The following XK variants were observed in gnomAD, a reference collection of about 807,000 sequenced individuals.
XK encodes endoplasmic reticulum membrane adapter protein XK.
Under a neutral mutation model 14.0 loss-of-function variants are expected in XK, and 2 were observed. The ratio of observed to expected loss-of-function variants is 0.14; its 90% CI spans 0.06 to 0.45. XK has a LOEUF of 0.45. Among genes scored for constraint, XK ranks in the 20% least tolerant of loss-of-function variants. XK has a pLI of 0.98. For missense variants in XK, 235 were observed against 341.5 expected (o/e 0.69, Z 2.46); for synonymous variants, 149 against 147.5 (o/e 1.01, Z -0.08).
At chrX:37,715,131 C>T (rs1212216637) in intron 2 of XK, among the ~76,000 whole-genome samples, 2 of 108,001 alleles carry the variant, frequency 1.9e-5, no homozygotes, top group Non-Finnish European at 3.8e-5. Context: ...CAAATATATA[C>T]AAATATGTGT....
At chrX:37,699,933 G>T (rs1221957893) in intron 2 of XK, among the ~76,000 whole-genome samples, 1 of 111,174 alleles carries the variant, frequency 9.0e-6, no homozygotes, top group African/African-American at 3.3e-5. Context: ...GCTCAGGCTA[G>T]TGGGAAAATC....
Position 37,725,087 on chromosome X carries a change from C to A in XK, c.509-2549C>A, listed in dbSNP as rs782301566. Among the ~76,000 whole-genome samples, 21 of 111,518 alleles carry A rather than the reference C, an allele frequency of 1.9e-4. No individual in the cohort carries two copies. The South Asian group carries it at 3.3e-3, about 18-fold the overall frequency. On this transcript the variant is annotated intron_variant, in intron 2 of 2. Coordinates refer to ENST00000378616, the MANE Select transcript of XK (RefSeq NM_021083.4). Reference sequence around the variant, plus strand: ...TAAGCTAGACACAGAAAGAAATATACTGCATGATCTCATTTATATGTGTAA... The same window carrying A: ...TAAGCTAGACACAGAAAGAAATATAATGCATGATCTCATTTATATGTGTAA...
chrX:37,701,027 T>C (rs1183370414), intron 2 of XK, among the ~76,000 whole-genome samples: 1 of 112,292 alleles, frequency 8.9e-6, no homozygotes, highest in Non-Finnish European at 1.9e-5. Context: ...ACTGGTACTA[T>C]GACACATTGT....
intron 2 of XK, among the ~76,000 whole-genome samples, chrX:37,725,802 T>C (rs1369914385): frequency 1.8e-5 from 2 of 111,838 alleles, no homozygotes; most frequent in Non-Finnish European, 3.8e-5. Context: ...TGAGGAGATA[T>C]GGTGAAGAAA....
At chrX:37,709,978 G>T (rs1556446339) in intron 2 of XK, among the ~76,000 whole-genome samples, 1 of 111,802 alleles carries the variant, frequency 8.9e-6, no homozygotes, top group Non-Finnish European at 1.9e-5. Context: ...GATTTTAATA[G>T]CTCTTTTCCT....
chrX:37,710,374 C>T (rs1280596822), intron 2 of XK, among the ~76,000 whole-genome samples: 1 of 112,569 alleles, frequency 8.9e-6, no homozygotes, highest in Non-Finnish European at 1.9e-5. Context: ...GTTTACCTGA[C>T]TCTTACAGGT....
rs144092697 is a variant in XK at position 37,690,415 on chromosome X, A to G, written c.246-3871A>G. ...AGTATTTCTTTGGAAAAAGTATTTTAATTAGGGTCTCTGGTACCACAGATT... is the reference window on the plus strand; with the variant it reads ...AGTATTTCTTTGGAAAAAGTATTTTGATTAGGGTCTCTGGTACCACAGATT... On this transcript the variant is annotated intron_variant, in intron 1 of 2. Transcript: ENST00000378616. Among the ~76,000 whole-genome samples, 372 of 112,354 alleles carry G rather than the reference A, an allele frequency of 3.3e-3. 2 individuals carry two copies. The highest frequency in any genetic ancestry group is 0.027 in the East Asian group (96 of 3,608).
chrX:37,718,629 A>G (rs781888524), intron 2 of XK, among the ~76,000 whole-genome samples: 2 of 111,713 alleles, frequency 1.8e-5, no homozygotes, highest in Non-Finnish European at 3.8e-5. Context: ...AAGCAATGTC[A>G]ATGTTTAGCT....
rs1848384538 is a variant in XK at position 37,728,603 on chromosome X, T to A, written c.*141T>A. The A allele has an allele frequency of 6.2e-6, 4 of 642,169 alleles. No homozygotes were observed. Among genetic ancestry groups the A allele is most frequent in the Non-Finnish European group, 7.3e-6 (3 of 410,466 alleles). The allele number at this position is 642,169 out of a possible 1,213,427, so 52.9% of individuals were successfully genotyped here. On this transcript the variant is annotated 3_prime_UTR_variant, in exon 3 of 3. Transcript: ENST00000378616. ...TGTGAGCTGCTTCTCTTTATAGAGC[T>A]CTTGGGTATGTAGAACTGTATGGGA... is the stretch of plus-strand genomic sequence containing the variant.
intron 2 of XK, among the ~76,000 whole-genome samples, chrX:37,714,198 C>G (rs1262492579): frequency 9.0e-6 from 1 of 111,697 alleles, no homozygotes; most frequent in African/African-American, 3.3e-5. Flanking sequence ...GTAGAAACCA[C>G]TTATTCAGTG....
chrX:37,705,304 T>C (rs1927498163), intron 2 of XK, among the ~76,000 whole-genome samples: 4 of 108,062 alleles, frequency 3.7e-5, no homozygotes, highest in Non-Finnish European at 7.7e-5. Context: ...AAAAAAAAAT[T>C]AGCCGGGCGT....
chrX:37,693,687 A>G (rs1378297610), intron 1 of XK, among the ~76,000 whole-genome samples: 3 of 111,714 alleles, frequency 2.7e-5, no homozygotes, highest in Non-Finnish European at 5.6e-5. Flanking sequence ...GATAGGTAAC[A>G]TGTTGTGGTC....
At chrX:37,719,813 T>G (rs1443266824) in intron 2 of XK, among the ~76,000 whole-genome samples, 1 of 111,077 alleles carries the variant, frequency 9.0e-6, no homozygotes, top group Non-Finnish European at 1.9e-5. Context: ...TTTTGGCCAT[T>G]TTTTGTTGTT....
At chrX:37,704,861 A>G (rs1271053780) in intron 2 of XK, among the ~76,000 whole-genome samples, 1 of 112,151 alleles carries the variant, frequency 8.9e-6, no homozygotes, top group Non-Finnish European at 1.9e-5. Flanking sequence ...TCTGGAGATG[A>G]TAGACACTTA....
At chrX:37,712,984 T>C (rs1556447049) in intron 2 of XK, among the ~76,000 whole-genome samples, 1 of 112,056 alleles carries the variant, frequency 8.9e-6, no homozygotes, top group African/African-American at 3.2e-5. Context: ...ACTTTCCATC[T>C]TTTTATCTGT....
chrX:37,686,159 C>T lies in XK; in HGVS notation c.198C>T (p.Arg66=). Residue 66 remains arginine (R), a synonymous_variant, in exon 1 of 3, where the codon CGC becomes CGT. Transcript: ENST00000378616. Reference sequence around the variant, plus strand: ...TACACCGCGACCTCAGCCGCGACCGCCCGCTCGTACTGCTGCTGCACCTGC... The same window carrying T: ...TACACCGCGACCTCAGCCGCGACCGTCCGCTCGTACTGCTGCTGCACCTGC... ...LFVHRDLSRD[R]PLVLLLHLLQ... 8.3e-7 allele frequency: 1 copy of T among 1,209,094 alleles called. No homozygotes were observed. Among genetic ancestry groups the T allele is most frequent in the Non-Finnish European group, 1.1e-6 (1 of 894,454 alleles).
At chrX:37,695,759 T>C (rs1927295176) in intron 2 of XK, among the ~76,000 whole-genome samples, 1 of 112,142 alleles carries the variant, frequency 8.9e-6, no homozygotes, top group Admixed American at 9.5e-5. Flanking sequence ...ATCTCCCTTA[T>C]CCAGGTTGCC....
rs1556451166 is a variant in XK at position 37,731,440 on chromosome X, T to C, written c.*2978T>C. On this transcript the variant is annotated 3_prime_UTR_variant, in exon 3 of 3. Coordinates refer to ENST00000378616, the MANE Select transcript of XK (RefSeq NM_021083.4). ...CAACTTAATTGCTCTATGCCTCAGT[T>C]TCCCCATAATACCCTTTTCCAACCT... The C allele has an allele frequency of 8.9e-6, 1 of 112,277 alleles. No homozygotes were observed. Among genetic ancestry groups the C allele is most frequent in the African/African-American group, 3.2e-5 (1 of 30,910 alleles). 9.3% of individuals were successfully genotyped at this position (112,277 alleles called of 1,213,427 possible). A position where few individuals can be genotyped will look rare whatever the true frequency, so the allele number is the denominator to read the frequency against.
At chrX:37,706,706 C>A (rs1207129627) in intron 2 of XK, among the ~76,000 whole-genome samples, 15 of 108,316 alleles carry the variant, frequency 1.4e-4, no homozygotes, top group African/African-American at 4.7e-4. Flanking sequence ...GGTCATAGGA[C>A]AATAGTGGAG....
Sources: allele counts gnomAD v4.1 joint callset (sites outside exome capture counted in the v4.1 genomes callset), GRCh38; gene constraint gnomAD v4.1.1; transcripts MANE v1.5; gene names NCBI Gene and HGNC (gene_info 2026-07-23, HGNC 2026-07-21).